The following PALM2AKAP2 variants were observed in gnomAD, a reference collection of about 807,000 sequenced individuals.
PALM2AKAP2 encodes the protein PALM2-AKAP2 fusion protein.
Under a neutral mutation model 71.5 loss-of-function variants are expected in PALM2AKAP2, and 37 were observed. The ratio of observed to expected loss-of-function variants is 0.52; its 90% CI spans 0.40 to 0.68. The LOEUF is 0.68. PALM2AKAP2 is among the 30% of genes least tolerant of loss of function. The pLI is 0.00. For missense variants in PALM2AKAP2, 1,224 were observed against 1,191.8 expected (o/e 1.03, Z -0.40); for synonymous variants, 468 against 478.8 (o/e 0.98, Z 0.29).
chr9:109,951,430 C>T (rs568235295), intron 6 of PALM2AKAP2, among the ~76,000 whole-genome samples: 21 of 152,350 alleles, frequency 1.4e-4, no homozygotes, highest in African/African-American at 4.8e-4. Context: ...CTCTCTGTTC[C>T]TCTGTACAGT....
chr9:110,136,170 AGG>A lies in PALM2AKAP2; in HGVS notation c.202_203del (p.Gly68ArgfsTer4). 1 of 1,604,964 alleles carries A rather than the reference AGG, an allele frequency of 6.2e-7. No individual in the cohort carries two copies. Among genetic ancestry groups the A allele is most frequent in the South Asian group, 1.1e-5 (1 of 89,164 alleles). ...GAGGATGATATCTGGCTAAAAAGCG[AGG>A]GAGACAACTATAGTGCCACCCTCCT... On this transcript the variant is annotated frameshift_variant, in exon 2 of 4. Transcript: ENST00000374525. LOFTEE classifies it high-confidence loss of function.
chr9:110,119,466 T>C lies in PALM2AKAP2; in HGVS notation c.157-16661T>C, dbSNP rs551484690. Among the ~76,000 whole-genome samples, 64 of 152,318 alleles carry C rather than the reference T, an allele frequency of 4.2e-4. 1 individual carries two copies. In the South Asian group the frequency reaches 0.011, roughly 26 times the overall value. On this transcript the variant is annotated intron_variant, in intron 1 of 3. Coordinates refer to ENST00000374525, the Ensembl canonical transcript of PALM2AKAP2. ...AGATCCTTGTGTATAGATCATTTTC[T>C]ACGTGTGCTTCTATGGTTGTAGTAT...
rs986359873 is a variant in PALM2AKAP2, at chr9:109,794,810, G to A, written c.45+14277G>A. On this transcript the variant is annotated intron_variant, in intron 1 of 9. Coordinates refer to the PALM2AKAP2 transcript ENST00000302798. ...GTGCCTTAATAAATATTTTCAAATT[G>A]CTCAAGGTTTTGGAAGATAGCAGAG... Among the ~76,000 whole-genome samples, 4 of 152,318 alleles carry A rather than the reference G, an allele frequency of 2.6e-5. No individual in the cohort carries two copies. The South Asian group carries it at 8.3e-4, about 32-fold the overall frequency.
Position 109,667,959 on chromosome 9 carries a change from C to T in PALM2AKAP2, c.5+27093C>T, listed in dbSNP as rs1827515024. On this transcript the variant is annotated intron_variant, in intron 1 of 6. Transcript: ENST00000374531. ...TTTTTTTTTTTTTTTTTTTTTGAGA[C>T]GGAGTCTCGCTCTGTCGCCCAGGCT... Among the ~76,000 whole-genome samples, 2 of 8,988 alleles carry T rather than the reference C, an allele frequency of 2.2e-4. 1 individual carries two copies. The highest frequency in any genetic ancestry group is 3.2e-4 in the Non-Finnish European group (2 of 6,324). 5.9% of individuals were successfully genotyped at this position (8,988 alleles called of 152,430 possible).
chr9:109,640,899 C>A, intron 1 of PALM2AKAP2: 1 of 1,507,752 alleles, frequency 6.6e-7, no homozygotes, highest in Non-Finnish European at 8.8e-7. Context: ...GCCAGCTGCT[C>A]TCCTCTCGGC....
intron 6 of PALM2AKAP2, among the ~76,000 whole-genome samples, chr9:109,994,443 C>G (rs1225877526): frequency 6.6e-6 from 1 of 152,154 alleles, no homozygotes; most frequent in Non-Finnish European, 1.5e-5. Flanking sequence ...CATACAAGCA[C>G]TCTTGAATTG....
intron 1 of PALM2AKAP2, among the ~76,000 whole-genome samples, chr9:110,087,370 C>T (rs1003547554): frequency 3.3e-5 from 5 of 152,212 alleles, no homozygotes; most frequent in Non-Finnish European, 5.9e-5. Flanking sequence ...CAGTACCTGA[C>T]CCAGCTCATT....
chr9:109,842,276 G>A (rs1173642004), intron 1 of PALM2AKAP2, among the ~76,000 whole-genome samples: 1 of 152,136 alleles, frequency 6.6e-6, no homozygotes, highest in African/African-American at 2.4e-5. Flanking sequence ...TACTCAACAA[G>A]AAATTAGGCT....
At chr9:109,936,053 A>G (rs1346994307) in intron 6 of PALM2AKAP2, among the ~76,000 whole-genome samples, 1 of 152,212 alleles carries the variant, frequency 6.6e-6, no homozygotes, top group Admixed American at 6.5e-5. Context: ...ATTGATTCAC[A>G]GAAATTTTTG....
intron 1 of PALM2AKAP2, among the ~76,000 whole-genome samples, chr9:110,075,320 C>A (rs951958319): frequency 6.6e-6 from 1 of 152,158 alleles, no homozygotes; most frequent in African/African-American, 2.4e-5. Context: ...CTTCAAATTC[C>A]ACTATCAAGC....
At chr9:109,981,242 C>T (rs907694034) in intron 6 of PALM2AKAP2, among the ~76,000 whole-genome samples, 3 of 152,190 alleles carry the variant, frequency 2.0e-5, no homozygotes, top group Non-Finnish European at 4.4e-5. Flanking sequence ...CTTTCAAAGT[C>T]ACTTAGAATT....
chr9:109,987,350 C>T (rs1035911175), intron 6 of PALM2AKAP2, among the ~76,000 whole-genome samples: 5 of 151,974 alleles, frequency 3.3e-5, no homozygotes, highest in East Asian at 1.9e-4. Context: ...AGGCTGGTCT[C>T]GAAATCCTGA....
At chr9:109,958,253 T>C (rs991107757) in intron 6 of PALM2AKAP2, among the ~76,000 whole-genome samples, 1 of 152,212 alleles carries the variant, frequency 6.6e-6, no homozygotes, top group Non-Finnish European at 1.5e-5. Flanking sequence ...CGTTTACTTC[T>C]CTCACTTGTT....
exon 2 of PALM2AKAP2, chr9:110,138,353 G>T: frequency 6.2e-7 from 1 of 1,614,230 alleles, no homozygotes; most frequent in Non-Finnish European, 8.5e-7. Context: ...TGACGTGATG[G>T]TTGGGCCTTT....
intron 6 of PALM2AKAP2, 119 bp from the exon 7 acceptor site, chr9:110,015,835 A>G: frequency 1.1e-6 from 1 of 890,554 alleles, no homozygotes; most frequent in Non-Finnish European, 1.8e-6. Context: ...GTATAGAGCT[A>G]TAGGTCATCA....
At chr9:110,168,729 A>G (rs1836794513) in exon 4 of PALM2AKAP2, 1 of 479,010 alleles carries the variant, frequency 2.1e-6, no homozygotes, top group South Asian at 2.7e-5. Flanking sequence ...TGGTGACTCA[A>G]TCCCAGTGTC....
chr9:110,041,920 G>A (rs550410284), intron 7 of PALM2AKAP2, among the ~76,000 whole-genome samples: 6 of 152,276 alleles, frequency 3.9e-5, no homozygotes, highest in African/African-American at 9.6e-5. Flanking sequence ...TTGTTTTCCA[G>A]CTACTCCCAA....
chr9:109,851,770 G>C (rs1247255187), intron 1 of PALM2AKAP2, among the ~76,000 whole-genome samples: 2 of 152,158 alleles, frequency 1.3e-5, no homozygotes, highest in Non-Finnish European at 2.9e-5. Context: ...AAGTGGCCTG[G>C]ACCCTGGTGG....
intron 3 of PALM2AKAP2, 117 bp downstream of exon 3, chr9:109,880,798 T>C (rs1829829939): frequency 7.2e-7 from 1 of 1,397,428 alleles, no homozygotes; most frequent in Non-Finnish European, 9.4e-7. Flanking sequence ...GAGAATTTTC[T>C]TCCTAAACAA....
Sources: gnomAD v4.1 joint callset for allele counts (sites outside exome capture counted in the v4.1 genomes callset) on GRCh38, gnomAD v4.1.1 for gene constraint, MANE v1.5 for transcripts, NCBI Gene and HGNC (gene_info 2026-07-23, HGNC 2026-07-21) for gene names.